ASIC2: variants seen among roughly 807,000 people sequenced by gnomAD.
ASIC2 encodes acid sensing ion channel subunit 2, also known as acid-sensing ion channel 2.
ASIC2 carries 25 observed loss-of-function variants against 57.3 expected under a neutral mutation model. The ratio of observed to expected loss-of-function variants is 0.44; its 90% CI spans 0.32 to 0.61. ASIC2 has a LOEUF of 0.61. ASIC2 is among the 20% of genes least tolerant of loss of function. The pLI, the probability that ASIC2 is intolerant of heterozygous loss-of-function variation, is 0.06. For missense variants in ASIC2, 641 were observed against 738.1 expected, an observed-to-expected ratio of 0.87 and a Z score of 1.52; for synonymous variants, 319 against 307.5, an observed-to-expected ratio of 1.04 and a Z score of -0.39.
chr17:33,571,756 G>T (rs1275748056), intron 1 of ASIC2, among the ~76,000 whole-genome samples: 1 of 152,218 alleles, frequency 6.6e-6, no homozygotes, highest in Non-Finnish European at 1.5e-5. Flanking sequence ...ACAAGAGGAT[G>T]TTGTCTGTTT....
At chr17:33,749,487 T>C (rs1301280457) in intron 1 of ASIC2, among the ~76,000 whole-genome samples, 1 of 152,012 alleles carries the variant, frequency 6.6e-6, no homozygotes, top group Admixed American at 6.6e-5. Context: ...CCTGGGGGTC[T>C]CTCACATGGA....
In ASIC2 at chr17:33,397,936, T is replaced by C. The variant is rs7207476; in HGVS notation, c.556-285869A>G. Among the ~76,000 whole-genome samples, 535 of 152,376 alleles carry C rather than the reference T, an allele frequency of 3.5e-3. 5 individuals carry two copies. Among genetic ancestry groups the C allele is most frequent in the African/African-American group, 0.012 (512 of 41,596 alleles). Reference sequence around the variant, plus strand: ...ATTCTTTTTGAGTCACAGTGATTTATATTTGCCAAATAATGACCTTCTCAA... The same window carrying C: ...ATTCTTTTTGAGTCACAGTGATTTACATTTGCCAAATAATGACCTTCTCAA... On this transcript the variant is annotated intron_variant, in intron 1 of 9. Transcript: ENST00000359872.
intron 1 of ASIC2, among the ~76,000 whole-genome samples, chr17:33,880,400 T>C (rs1279434618): frequency 6.6e-6 from 1 of 151,604 alleles, no homozygotes; most frequent in Non-Finnish European, 1.5e-5. Context: ...ATCAAATAGG[T>C]ACAATAAAAA....
chr17:33,715,849 T>C (rs950180560), intron 1 of ASIC2, among the ~76,000 whole-genome samples: 22 of 152,212 alleles, frequency 1.4e-4, no homozygotes, highest in Admixed American at 6.5e-5. Flanking sequence ...ACCACATTGA[T>C]AAAATTGTAG....
chr17:33,829,792 TGACCTCATAACCCA>T (rs1372554914), intron 1 of ASIC2, among the ~76,000 whole-genome samples: 2 of 152,120 alleles, frequency 1.3e-5, no homozygotes, highest in African/African-American at 2.4e-5. Context: ...CTCGAAACTC[TGACCTCATAACCCA>T]CCCGCCTGGG....
At chr17:33,526,500 A>G (rs1914888174) in intron 1 of ASIC2, among the ~76,000 whole-genome samples, 1 of 152,136 alleles carries the variant, frequency 6.6e-6, no homozygotes, top group Non-Finnish European at 1.5e-5. Flanking sequence ...TGACAGATCC[A>G]GGCTCTTCTG....
At chr17:34,027,322 CT>C (rs1907412962) in intron 1 of ASIC2, among the ~76,000 whole-genome samples, 1 of 152,222 alleles carries the variant, frequency 6.6e-6, no homozygotes. Flanking sequence ...GCATTCTCTA[CT>C]TTTGCAATCA....
chr17:33,996,254 C>A (rs1357153332), intron 1 of ASIC2, among the ~76,000 whole-genome samples: 1 of 152,056 alleles, frequency 6.6e-6, no homozygotes, highest in Non-Finnish European at 1.5e-5. Context: ...GATATTAACC[C>A]CTTATCAGAT....
At chr17:33,516,276 G>A (rs1423257164) in intron 1 of ASIC2, among the ~76,000 whole-genome samples, 2 of 152,118 alleles carry the variant, frequency 1.3e-5, no homozygotes, top group Non-Finnish European at 2.9e-5. Flanking sequence ...CAACCAGAAC[G>A]TGCAGTTTGC....
chr17:33,372,552 C>G (rs1909113325), intron 1 of ASIC2, among the ~76,000 whole-genome samples: 1 of 152,164 alleles, frequency 6.6e-6, no homozygotes, highest in Non-Finnish European at 1.5e-5. Flanking sequence ...AGCATCTTCT[C>G]CCTACTTGGC....
At chr17:33,044,928 A>T (rs978949086) in intron 3 of ASIC2, among the ~76,000 whole-genome samples, 3 of 152,166 alleles carry the variant, frequency 2.0e-5, no homozygotes, top group African/African-American at 7.2e-5. Context: ...TAGAAAGACT[A>T]TGTTTTTTTA....
At chr17:33,801,930 G>C (rs1912144307) in intron 1 of ASIC2, among the ~76,000 whole-genome samples, 1 of 152,132 alleles carries the variant, frequency 6.6e-6, no homozygotes, top group Non-Finnish European at 1.5e-5. Flanking sequence ...AACTGGACGA[G>C]AGGGAGGTAT....
intron 1 of ASIC2, among the ~76,000 whole-genome samples, chr17:33,768,893 T>C (rs1911012485): frequency 6.6e-6 from 1 of 152,120 alleles, no homozygotes; most frequent in Admixed American, 6.6e-5. Flanking sequence ...GGAAGACGAC[T>C]TGCCCTTCCC....
intron 1 of ASIC2, among the ~76,000 whole-genome samples, chr17:33,263,477 C>CAGG (rs1909355684): frequency 6.6e-6 from 1 of 152,214 alleles, no homozygotes; most frequent in Middle Eastern, 3.2e-3. Flanking sequence ...TGGTGCTGAG[C>CAGG]AGGGGAGGAG....
rs11368261 is a variant in ASIC2 at position 33,889,556 on chromosome 17, TAA to T, written c.555+266420_555+266421del. ...CCATGGAAAACAATTCTCTCAGTTA[TAA>T]AAAAAAACTTACTTCCACAAAGAGA... On this transcript the variant is annotated intron_variant, in intron 1 of 9. Coordinates refer to the ASIC2 transcript ENST00000359872. 4.6e-5 allele frequency among the ~76,000 whole-genome samples: 7 copies of T among 151,882 alleles called. No homozygotes were observed. In the South Asian group the frequency reaches 8.3e-4, roughly 18 times the overall value.
intron 1 of ASIC2, among the ~76,000 whole-genome samples, chr17:33,648,308 C>T (rs187384758): frequency 1.2e-4 from 19 of 152,278 alleles, no homozygotes; most frequent in Admixed American, 3.3e-4. Context: ...GCAAGCATTA[C>T]GATGATATCT....
chr17:33,277,026 AGCTT>A (rs1346531703), intron 1 of ASIC2, among the ~76,000 whole-genome samples: 1 of 152,192 alleles, frequency 6.6e-6, no homozygotes, highest in Admixed American at 6.5e-5. Flanking sequence ...GTCATTTAGG[AGCTT>A]GACAGGAATG....
intron 1 of ASIC2, among the ~76,000 whole-genome samples, chr17:33,939,002 C>A (rs921166296): frequency 3.9e-5 from 6 of 152,178 alleles, no homozygotes; most frequent in Admixed American, 1.3e-4. Context: ...GTGGGCACTG[C>A]CCGGGGCCAG....
At chr17:33,756,366 T>C (rs576884915) in intron 1 of ASIC2, among the ~76,000 whole-genome samples, 31 of 152,314 alleles carry the variant, frequency 2.0e-4, no homozygotes, top group Non-Finnish European at 3.7e-4. Context: ...AGATGCTCCT[T>C]ATCACCAGAA....
Sources: allele counts gnomAD v4.1 joint callset (sites outside exome capture counted in the v4.1 genomes callset), GRCh38; gene constraint gnomAD v4.1.1; transcripts MANE v1.5; gene names NCBI Gene and HGNC (gene_info 2026-07-23, HGNC 2026-07-21).